The following GLIS3 variants were observed in gnomAD, a reference collection of about 807,000 sequenced individuals.
GLIS3 encodes GLIS family zinc finger 3.
In GLIS3, 53 loss-of-function variants were observed where a neutral mutation model predicts 78.6. The observed-to-expected ratio is 0.67, with a 90% confidence interval of 0.54 to 0.85. The LOEUF (loss-of-function observed/expected upper bound fraction) is 0.85. Among genes scored for constraint, GLIS3 ranks in the 40% least tolerant of loss-of-function variants. GLIS3 has a pLI of 0.00. For synonymous variants in GLIS3, 684 were observed against 509.9 expected, an observed-to-expected ratio of 1.34 and a Z score of -4.60; for missense variants, 1,703 against 1,231.1, an observed-to-expected ratio of 1.38 and a Z score of -5.74.
intron 4 of GLIS3, among the ~76,000 whole-genome samples, chr9:4,086,541 C>A (rs572117150): frequency 1.3e-5 from 2 of 152,266 alleles, no homozygotes; most frequent in African/African-American, 4.8e-5. Flanking sequence ...AAGGATCTTC[C>A]AGAAAACAAA....
the GLIS3 span, among the ~76,000 whole-genome samples, chr9:4,424,543 A>T: frequency 1.3e-5 from 2 of 152,114 alleles, no homozygotes; most frequent in Non-Finnish European, 2.9e-5. Context: ...ACTGTAGCAG[A>T]TAGTGGATTT....
chr9:4,105,562 A>C (rs147099122), intron 4 of GLIS3, among the ~76,000 whole-genome samples: 1 of 152,224 alleles, frequency 6.6e-6, no homozygotes, highest in South Asian at 2.1e-4. Context: ...GCAAATGGTC[A>C]ATATGTACTC....
At chr9:3,958,359 C>T (rs550521355) in intron 4 of GLIS3, among the ~76,000 whole-genome samples, 16 of 151,988 alleles carry the variant, frequency 1.1e-4, no homozygotes, top group African/African-American at 3.6e-4. Context: ...TACATCGATT[C>T]TTTTTTCAAA....
At chr9:4,089,809 C>T (rs528920079) in intron 4 of GLIS3, among the ~76,000 whole-genome samples, 2 of 152,172 alleles carry the variant, frequency 1.3e-5, no homozygotes, top group African/African-American at 4.8e-5. Flanking sequence ...ACAAACAAGA[C>T]CCTGACAAAA....
At chr9:4,326,606 G>C (rs1817604000) in intron 2 of GLIS3, among the ~76,000 whole-genome samples, 1 of 152,198 alleles carries the variant, frequency 6.6e-6, no homozygotes, top group Non-Finnish European at 1.5e-5. Context: ...AAATGCTGGA[G>C]AGCGGATGGT....
intron 4 of GLIS3, among the ~76,000 whole-genome samples, chr9:3,964,739 T>C (rs1220439061): frequency 6.6e-6 from 1 of 152,188 alleles, no homozygotes; most frequent in Non-Finnish European, 1.5e-5. Flanking sequence ...TCAGGTGAAA[T>C]GATTTATAAT....
the GLIS3 span, among the ~76,000 whole-genome samples, chr9:4,413,494 T>C: frequency 1.3e-5 from 2 of 152,144 alleles, no homozygotes. Context: ...CAGCTGTGTA[T>C]TGTCTCAAAG....
chr9:4,003,004 A>G (rs191102386), intron 4 of GLIS3, among the ~76,000 whole-genome samples: 2 of 152,348 alleles, frequency 1.3e-5, no homozygotes, highest in East Asian at 3.9e-4. Flanking sequence ...TGTGAGAACA[A>G]TATTTGTTTA....
chr9:4,049,972 A>G (rs973408517), intron 4 of GLIS3, among the ~76,000 whole-genome samples: 2 of 152,096 alleles, frequency 1.3e-5, no homozygotes, highest in Non-Finnish European at 2.9e-5. Flanking sequence ...GGATGTGGAG[A>G]AATAGGAACA....
chr9:4,477,923 A>G, the GLIS3 span, among the ~76,000 whole-genome samples: 1 of 152,222 alleles, frequency 6.6e-6, no homozygotes, highest in Non-Finnish European at 1.5e-5. Context: ...ATATGAACTT[A>G]TCATTTGTCT....
chr9:3,950,025 T>C (rs555641707), intron 4 of GLIS3, among the ~76,000 whole-genome samples: 1 of 152,316 alleles, frequency 6.6e-6, no homozygotes, highest in South Asian at 2.1e-4. Context: ...ACAATGACCT[T>C]TTCCCCCAGA....
At chr9:4,456,447 G>A in the GLIS3 span, among the ~76,000 whole-genome samples, 49 of 152,316 alleles carry the variant, frequency 3.2e-4, no homozygotes, top group Non-Finnish European at 6.2e-4. Context: ...TGTTGTGACT[G>A]ATTTGATCAT....
chr9:4,310,661 A>T (rs1022411363), intron 2 of GLIS3: 2 of 152,360 alleles, frequency 1.3e-5, no homozygotes, highest in Non-Finnish European at 2.9e-5. Flanking sequence ...ATGAGGACAC[A>T]CACCAGCCAT....
intron 2 of GLIS3, among the ~76,000 whole-genome samples, chr9:4,212,266 C>G (rs1280466153): frequency 1.3e-5 from 2 of 152,216 alleles, no homozygotes; most frequent in Admixed American, 6.5e-5. Flanking sequence ...TGGCTGAGTT[C>G]TAGGTGCTTC....
At chr9:3,904,423 C>T (rs547262694) in intron 6 of GLIS3, among the ~76,000 whole-genome samples, 12 of 152,302 alleles carry the variant, frequency 7.9e-5, no homozygotes, top group South Asian at 2.1e-4. Flanking sequence ...GACTTGTCAG[C>T]CCCCATAATC....
the GLIS3 span, among the ~76,000 whole-genome samples, chr9:4,480,655 C>G: frequency 6.6e-6 from 1 of 151,976 alleles, no homozygotes; most frequent in African/African-American, 2.4e-5. Flanking sequence ...CCTCAGCATA[C>G]GAACGCCTTG....
intron 2 of GLIS3, among the ~76,000 whole-genome samples, chr9:4,215,472 T>C (rs1462592446): frequency 2.0e-5 from 3 of 152,210 alleles, no homozygotes; most frequent in Non-Finnish European, 2.9e-5. Flanking sequence ...CTATCATTTA[T>C]GGTGAAGGAA....
At chr9:4,374,230 T>A in the GLIS3 span, among the ~76,000 whole-genome samples, 3 of 152,302 alleles carry the variant, frequency 2.0e-5, no homozygotes, top group East Asian at 5.8e-4. Context: ...CAAGAGAAGT[T>A]ACAAAATGAA....
intron 2 of GLIS3, among the ~76,000 whole-genome samples, chr9:4,270,907 GTGTGTGTGTGTGTGTGTGTGTGTGTGTA>G (rs1283675310): frequency 1.9e-5 from 1 of 51,356 alleles, no homozygotes; most frequent in Non-Finnish European, 4.4e-5. Context: ...GTGTGTGTGT[GTGTGTGTGTGTGTGTGTGTGTGTGTGTA>G]TACACAACTG....
Sources: gnomAD v4.1 joint callset for allele counts (sites outside exome capture counted in the v4.1 genomes callset) on GRCh38, gnomAD v4.1.1 for gene constraint, MANE v1.5 for transcripts, NCBI Gene and HGNC (gene_info 2026-07-23, HGNC 2026-07-21) for gene names.